The following PCDHGA8 variants were observed in gnomAD, a reference collection of about 807,000 sequenced individuals.
PCDHGA8 encodes protocadherin gamma-A8.
In PCDHGA8, 45 loss-of-function variants were observed where a neutral mutation model predicts 59.2. That is an observed-to-expected ratio of 0.76 (90% confidence interval 0.60 to 0.98). The LOEUF (loss-of-function observed/expected upper bound fraction) is 0.98, where lower values mean the gene tolerates loss of function less well. Ranked by LOEUF, PCDHGA8 falls within the 50% of genes least tolerant of loss-of-function variation. The probability of loss-of-function intolerance (pLI) is 0.00; values close to 1 mark genes in which losing one functional copy is unlikely to be tolerated. For synonymous variants in PCDHGA8, 531 were observed against 519.0 expected, an observed-to-expected ratio of 1.02 and a Z score of -0.32; for missense variants, 1,257 against 1,196.2, an observed-to-expected ratio of 1.05 and a Z score of -0.75.
intron 1 of PCDHGA8, chr5:141,423,301 C>T (rs1489674947): frequency 1.9e-6 from 3 of 1,614,150 alleles, no homozygotes; most frequent in East Asian, 4.5e-5. Flanking sequence ...AGACCTCTCG[C>T]TGTACTTGGT....
At chr5:141,423,826 A>G (rs1324911075) in intron 1 of PCDHGA8, 21 of 1,275,178 alleles carry the variant, frequency 1.6e-5, no homozygotes, top group Middle Eastern at 2.2e-4. Flanking sequence ...TTTGCCTTTC[A>G]TGAGATTACG....
chr5:141,455,983 C>T (rs542017964), intron 1 of PCDHGA8, among the ~76,000 whole-genome samples: 23 of 151,546 alleles, frequency 1.5e-4, no homozygotes, highest in African/African-American at 5.1e-4. Context: ...CTGCAAGCTC[C>T]GCCTCTCGGG....
chr5:141,414,828 G>T (rs780047810), intron 1 of PCDHGA8: 1 of 1,614,210 alleles, frequency 6.2e-7, no homozygotes, highest in East Asian at 2.2e-5. Context: ...GCAACGTGTC[G>T]TTGAGCCTGT....
chr5:141,431,068 A>G lies in PCDHGA8; in HGVS notation c.2424+35831A>G. 2 of 1,614,218 alleles carry G rather than the reference A, an allele frequency of 1.2e-6. No individual in the cohort carries two copies. Among genetic ancestry groups the G allele is most frequent in the South Asian group, 1.1e-5 (1 of 91,088 alleles). On this transcript the variant is annotated intron_variant, in intron 1 of 3. Coordinates refer to ENST00000398604, the MANE Select transcript of PCDHGA8 (RefSeq NM_032088.2). The surrounding 1 kb of genome is among the most constrained non-coding windows in gnomAD (Gnocchi z 4.8). ...TCTGTATGGGGGCCATCAAGTGTCA[A>G]TTAAATCTAGACATTCTGATGGAGG...
At chr5:141,413,117 C>T (rs902301902) in intron 1 of PCDHGA8, 42 of 1,509,002 alleles carry the variant, frequency 2.8e-5, no homozygotes, top group Non-Finnish European at 3.6e-5. Flanking sequence ...ACAAAGGAAC[C>T]GGTTGAAACA....
chr5:141,407,529 T>G (rs2154538729), intron 1 of PCDHGA8, among the ~76,000 whole-genome samples: 1 of 151,552 alleles, frequency 6.6e-6, no homozygotes, highest in South Asian at 2.1e-4. Context: ...CTTAACTTAT[T>G]GTGCATTGGT....
chr5:141,393,919 T>C lies in PCDHGA8; in HGVS notation c.1106T>C (p.Leu369Ser). Residue 369 changes from leucine to serine, a missense_variant, in exon 1 of 4, where the codon TTG becomes TCG. Coordinates refer to ENST00000398604, the MANE Select transcript of PCDHGA8 (RefSeq NM_032088.2). The part of the protein sequence containing the change: ...NSLPGTVIAF[L>S]SVHDQDSGKN... ...CTTCCCGGGACAGTAATTGCCTTCTTGAGTGTGCATGACCAAGACTCTGGA... is the reference window on the plus strand; with the variant it reads ...CTTCCCGGGACAGTAATTGCCTTCTCGAGTGTGCATGACCAAGACTCTGGA... 6.2e-7 allele frequency: 1 copy of C among 1,613,992 alleles called. No individual in the cohort carries two copies. Among genetic ancestry groups the C allele is most frequent in the Non-Finnish European group, 8.5e-7 (1 of 1,179,884 alleles).
At position 141,404,735 on chromosome 5, in the gene PCDHGA8, G is replaced by A. The variant is rs2094561317; in HGVS notation, c.2424+9498G>A. The stretch of plus-strand genomic sequence containing the variant: ...CCTGGTGACCAAGGTGGTGGCAGTG[G>A]ACAGAGACTCAGGCCAGAATGCTTG... On this transcript the variant is annotated intron_variant, in intron 1 of 3. Transcript: ENST00000398604. 6.2e-7 allele frequency: 1 copy of A among 1,614,014 alleles called. No homozygotes were observed. The highest frequency in any genetic ancestry group is 8.5e-7 in the Non-Finnish European group (1 of 1,180,032).
chr5:141,464,402 G>GAT (rs1039725208), intron 1 of PCDHGA8, among the ~76,000 whole-genome samples: 22 of 150,720 alleles, frequency 1.5e-4, no homozygotes, highest in Admixed American at 7.3e-4. Context: ...AAGAACCTGA[G>GAT]ATATATATAT....
intron 1 of PCDHGA8, among the ~76,000 whole-genome samples, chr5:141,469,522 C>T (rs1409427974): frequency 2.6e-5 from 4 of 152,088 alleles, no homozygotes; most frequent in African/African-American, 9.7e-5. Flanking sequence ...TTGCAGTGAG[C>T]CAAGATTGTG....
At chr5:141,418,577 C>T (rs1173424447) in intron 1 of PCDHGA8, 2 of 1,614,038 alleles carry the variant, frequency 1.2e-6, no homozygotes, top group South Asian at 1.1e-5. Context: ...TGACAACCCC[C>T]CAGTGTTCAG....
chr5:141,404,909 C>G, intron 1 of PCDHGA8: 1 of 1,613,916 alleles, frequency 6.2e-7, no homozygotes, highest in Non-Finnish European at 8.5e-7. Flanking sequence ...TGGCCAGCCC[C>G]CTCTCTCGGC....
intron 2 of PCDHGA8, among the ~76,000 whole-genome samples, chr5:141,498,971 G>GGGAAGGAA (rs201769957): frequency 0.022 from 2,449 of 111,032 alleles, 52 homozygotes; most frequent in African/African-American, 0.046. Flanking sequence ...GAGGGAGGGA[G>GGGAAGGAA]GGAAGGAAGG....
intron 1 of PCDHGA8, chr5:141,410,555 C>T (rs768561351): frequency 1.9e-6 from 3 of 1,613,084 alleles, no homozygotes; most frequent in Middle Eastern, 1.6e-4. Context: ...CAGTGTTTCT[C>T]CTGGAGCCTT....
At chr5:141,419,203 C>A in intron 1 of PCDHGA8, 1 of 1,613,988 alleles carries the variant, frequency 6.2e-7, no homozygotes, top group South Asian at 1.1e-5. Context: ...TCAATGACAA[C>A]GCGCCGGTTT....
chr5:141,427,991 C>T (rs748924488), intron 1 of PCDHGA8: 1 of 1,599,024 alleles, frequency 6.3e-7, no homozygotes, highest in Non-Finnish European at 8.6e-7. Context: ...GGCCCGATGG[C>T]TCCGCACTCT....
At chr5:141,399,001 T>C in intron 1 of PCDHGA8, 1 of 1,613,890 alleles carries the variant, frequency 6.2e-7, no homozygotes, top group Non-Finnish European at 8.5e-7. Context: ...TAGTCTGAAT[T>C]CAAAGAGCGG....
intron 1 of PCDHGA8, 58 bp downstream of exon 1, chr5:141,395,295 T>G: frequency 1.3e-6 from 2 of 1,525,988 alleles, no homozygotes; most frequent in Middle Eastern, 1.8e-4. Flanking sequence ...TGGCATAAAT[T>G]ATGTTTTGAA....
Position 141,395,109 on chromosome 5 carries a change from A to G in PCDHGA8, c.2296A>G (p.Ser766Gly), listed in dbSNP as rs1181706209. ...CTCCCTCACCGCCGACTCGCGGAAG[A>G]GTCACCTGATCTTTCCCCAGCCCAA... is the stretch of plus-strand genomic sequence containing the variant. The part of the protein sequence containing the change: ...EVSLTADSRK[S>G]HLIFPQPNYA... The change falls in exon 1 of 4, where the codon AGT becomes GGT. Residue 766 changes from serine to glycine, a missense_variant. Physicochemically the swap from Ser to Gly is moderately conservative, Grantham distance 56 (BLOSUM62 0). Coordinates refer to ENST00000398604, the MANE Select transcript of PCDHGA8 (RefSeq NM_032088.2). The G allele has an allele frequency of 6.2e-7, 1 of 1,614,092 alleles. No individual in the cohort carries two copies. The highest frequency in any genetic ancestry group is 1.7e-5 in the Admixed American group (1 of 60,008).
Sources: allele counts gnomAD v4.1 joint callset (sites outside exome capture counted in the v4.1 genomes callset), GRCh38; gene constraint gnomAD v4.1.1; non-coding constraint Gnocchi (gnomAD v3.1); transcripts MANE v1.5; gene names NCBI Gene and HGNC (gene_info 2026-07-23, HGNC 2026-07-21).